TBC1D8: variants seen among roughly 807,000 people sequenced by gnomAD.
TBC1D8 encodes TBC1 domain family member 8.
A neutral mutation model predicts 118.8 loss-of-function variants in TBC1D8; 65 were observed. The ratio of observed to expected loss-of-function variants is 0.55; its 90% CI spans 0.45 to 0.67. The LOEUF (loss-of-function observed/expected upper bound fraction) is 0.67. Among genes scored for constraint, TBC1D8 ranks in the 30% least tolerant of loss-of-function variants. TBC1D8 has a pLI of 0.00. For missense variants in TBC1D8, 1,376 were observed against 1,471.2 expected, an observed-to-expected ratio of 0.94 and a Z score of 1.06; for synonymous variants, 566 against 595.8, an observed-to-expected ratio of 0.95 and a Z score of 0.73.
In TBC1D8 at chr2:101,090,242, TCA is replaced by T. The variant is rs1416113709; in HGVS notation, c.248_249del (p.Leu83GlnfsTer37). ...VYSPIACGEL[L>X]NGSDVYWAIA... ...ATGGCCCAGTAAACGTCTGATCCAT[TCA>T]GTAACTCACCACATGCTATGGGAGA... is the stretch of plus-strand genomic sequence containing the variant. On this transcript the variant is annotated frameshift_variant, in exon 2 of 20. Coordinates refer to ENST00000409318, the MANE Select transcript of TBC1D8 (RefSeq NM_001330348.2). LOFTEE classifies it high-confidence loss of function. 1 of 1,613,944 alleles carries T rather than the reference TCA, an allele frequency of 6.2e-7. No individual in the cohort carries two copies. The highest frequency in any genetic ancestry group is 8.5e-7 in the Non-Finnish European group (1 of 1,179,874).
At chr2:101,117,116 A>G (rs1677854507) in intron 1 of TBC1D8, among the ~76,000 whole-genome samples, 1 of 152,136 alleles carries the variant, frequency 6.6e-6, no homozygotes, top group Non-Finnish European at 1.5e-5. Flanking sequence ...GGAACCCCAA[A>G]GCATGCCAGC....
chr2:101,066,951 A>C (rs896566055), intron 2 of TBC1D8, among the ~76,000 whole-genome samples: 1 of 54,466 alleles, frequency 1.8e-5, no homozygotes, highest in African/African-American at 4.2e-5. Flanking sequence ...TCCCAAAAAA[A>C]AAAAAAAAAA....
intron 1 of TBC1D8, among the ~76,000 whole-genome samples, chr2:101,113,602 T>C (rs1200267947): frequency 6.6e-6 from 1 of 152,152 alleles, no homozygotes; most frequent in Non-Finnish European, 1.5e-5. Flanking sequence ...GACACAATTC[T>C]ACCTCCACCT....
chr2:101,048,713 A>T (rs1681861314), intron 5 of TBC1D8, among the ~76,000 whole-genome samples: 1 of 150,104 alleles, frequency 6.7e-6, no homozygotes, highest in South Asian at 2.1e-4. Flanking sequence ...AGGACAGTGC[A>T]TGGATTTCAA....
intron 1 of TBC1D8, among the ~76,000 whole-genome samples, chr2:101,141,879 A>G (rs1420551958): frequency 6.6e-6 from 1 of 152,116 alleles, no homozygotes; most frequent in Non-Finnish European, 1.5e-5. Context: ...AAAAAAAATG[A>G]GCAAAAGACT....
At position 101,022,298 on chromosome 2, in the gene TBC1D8, G is replaced by A. The variant is rs746647837; in HGVS notation, c.2744C>T (p.Ala915Val). 9 of 1,613,394 alleles carry A rather than the reference G, an allele frequency of 5.6e-6. No individual in the cohort carries two copies. The highest frequency in any genetic ancestry group is 2.2e-5 in the East Asian group (1 of 44,882). ...DNMDQLIEFK[A>V]FVSCLDIMYN... Reference sequence around the variant, plus strand: ...AGGCATACCGAGGCAGCTCACAAACGCTTTGAACTCGATGAGCTGGTCCAT... The same window carrying A: ...AGGCATACCGAGGCAGCTCACAAACACTTTGAACTCGATGAGCTGGTCCAT... Residue 915 changes from alanine to valine, a missense_variant, in exon 16 of 20, where the codon GCG becomes GTG. Coordinates refer to ENST00000409318, the MANE Select transcript of TBC1D8 (RefSeq NM_001330348.2).
intron 17 of TBC1D8, chr2:101,017,933 T>C: frequency 1.9e-6 from 3 of 1,550,592 alleles, no homozygotes; most frequent in Non-Finnish European, 2.6e-6. Flanking sequence ...GGAAAGCAAA[T>C]GGCATTTTCT....
chr2:101,097,080 TA>T lies in TBC1D8; in HGVS notation c.128-6717del, dbSNP rs145255906. Among the ~76,000 whole-genome samples the T allele has an allele frequency of 7.4e-4, 112 of 151,996 alleles. 3 individuals carry two copies. The East Asian group carries it at 0.02, about 27-fold the overall frequency. ...GAAGAGAATGTTCTAAAAGAAGCCATAGGGGGAAAAAACAGCTTGAGGAACA... is the reference window on the plus strand; with the variant it reads ...GAAGAGAATGTTCTAAAAGAAGCCATGGGGGAAAAAACAGCTTGAGGAACA... On this transcript the variant is annotated intron_variant, in intron 1 of 19. Transcript: ENST00000409318.
At chr2:101,109,837 A>G in intron 1 of TBC1D8, 1 of 985,386 alleles carries the variant, frequency 1.0e-6, no homozygotes, top group Non-Finnish European at 1.2e-6. Context: ...TTACAAACCT[A>G]CAGTTCCATC....
At chr2:101,092,095 C>T (rs1676077047) in intron 1 of TBC1D8, among the ~76,000 whole-genome samples, 1 of 152,248 alleles carries the variant, frequency 6.6e-6, no homozygotes, top group Non-Finnish European at 1.5e-5. Flanking sequence ...TGTCCTTTTG[C>T]TACAATGGAT....
At chr2:101,071,366 CAAATAAATAAAT>C (rs66573133) in intron 2 of TBC1D8, among the ~76,000 whole-genome samples, 30 of 151,160 alleles carry the variant, frequency 2.0e-4, no homozygotes, top group African/African-American at 2.7e-4. Context: ...AACAAACAAA[CAAATAAATAAAT>C]AAATAAATAA....
intron 2 of TBC1D8, among the ~76,000 whole-genome samples, chr2:101,075,189 G>C (rs796358664): frequency 1.3e-5 from 2 of 152,268 alleles, no homozygotes; most frequent in African/African-American, 2.4e-5. Context: ...CTGAGGTCAG[G>C]AGTTTGAGAC....
At chr2:101,039,260 A>C (rs1681230339) in intron 6 of TBC1D8, among the ~76,000 whole-genome samples, 1 of 152,236 alleles carries the variant, frequency 6.6e-6, no homozygotes, top group Non-Finnish European at 1.5e-5. Flanking sequence ...TAAGCATGTA[A>C]GTTGGCTCCT....
At chr2:101,082,027 T>C (rs939305723) in intron 2 of TBC1D8, among the ~76,000 whole-genome samples, 9 of 152,134 alleles carry the variant, frequency 5.9e-5, no homozygotes, top group Non-Finnish European at 1.2e-4. Flanking sequence ...TAATCCCAGC[T>C]ACTCAGGAGG....
At chr2:101,108,816 C>G (rs67989891) in intron 1 of TBC1D8, among the ~76,000 whole-genome samples, 45,297 of 146,768 alleles carry the variant, frequency 0.31, 6,960 homozygotes, top group East Asian at 0.4. Context: ...GCTCCTTTGT[C>G]ACGGGGACCT....
At chr2:101,092,117 T>A (rs1676078371) in intron 1 of TBC1D8, among the ~76,000 whole-genome samples, 1 of 152,222 alleles carries the variant, frequency 6.6e-6, no homozygotes, top group South Asian at 2.1e-4. Context: ...CAGTTCAGAA[T>A]CACATTCAGT....
At chr2:101,031,052 T>C (rs188088330) in intron 11 of TBC1D8, among the ~76,000 whole-genome samples, 1 of 152,330 alleles carries the variant, frequency 6.6e-6, no homozygotes, top group African/African-American at 2.4e-5. Context: ...CTTGGGGCAG[T>C]GTCCACACAG....
intron 1 of TBC1D8, among the ~76,000 whole-genome samples, chr2:101,107,308 G>T (rs1256905434): frequency 1.3e-5 from 2 of 152,074 alleles, no homozygotes; most frequent in African/African-American, 2.4e-5. Context: ...TACCCCAATC[G>T]CTGGTAAAGC....
intron 1 of TBC1D8, among the ~76,000 whole-genome samples, chr2:101,094,325 G>A (rs1275745586): frequency 6.6e-6 from 1 of 152,148 alleles, no homozygotes; most frequent in African/African-American, 2.4e-5. Flanking sequence ...CAGTGATTAG[G>A]AACATCAGGT....
Sources: gnomAD v4.1 joint callset for allele counts (sites outside exome capture counted in the v4.1 genomes callset) on GRCh38, gnomAD v4.1.1 for gene constraint, MANE v1.5 for transcripts, NCBI Gene and HGNC (gene_info 2026-07-23, HGNC 2026-07-21) for gene names.